The following PHACTR1 variants were observed in gnomAD, a reference collection of about 807,000 sequenced individuals.
PHACTR1 encodes the protein RPEL repeat containing 1.
Under a neutral mutation model 69.2 loss-of-function variants are expected in PHACTR1, and 16 were observed. The observed-to-expected ratio is 0.23, with a 90% confidence interval of 0.16 to 0.35. The LOEUF (loss-of-function observed/expected upper bound fraction) is 0.35, where lower values mean the gene tolerates loss of function less well. PHACTR1 is among the 10% of genes least tolerant of loss of function. The probability of loss-of-function intolerance (pLI) is 1.00; values close to 1 mark genes in which losing one functional copy is unlikely to be tolerated. For missense variants in PHACTR1, 510 were observed against 734.7 expected (o/e 0.69, Z 3.54); for synonymous variants, 312 against 284.5 (o/e 1.10, Z -0.97).
At chr6:13,137,389 A>G (rs769332670) in intron 5 of PHACTR1, among the ~76,000 whole-genome samples, 25 of 152,242 alleles carry the variant, frequency 1.6e-4, no homozygotes, top group Non-Finnish European at 1.0e-4. Context: ...ACCTATTCCA[A>G]TGTCTTAACT....
At chr6:12,829,234 G>C (rs1409024639) in intron 4 of PHACTR1, among the ~76,000 whole-genome samples, 2 of 152,188 alleles carry the variant, frequency 1.3e-5, no homozygotes. Context: ...CAGTGCACAC[G>C]AGTGGGATTT....
At chr6:12,932,595 C>T (rs1251432255) in intron 4 of PHACTR1, among the ~76,000 whole-genome samples, 2 of 152,178 alleles carry the variant, frequency 1.3e-5, no homozygotes, top group African/African-American at 4.8e-5. Context: ...CGCTTTAAAT[C>T]ATTGTCATAT....
chr6:13,132,123 T>C lies in PHACTR1; in HGVS notation c.416-28081T>C, dbSNP rs551655671. ...TCTATTACAGTAGAGGTTTAAGTAC[T>C]AACCCACTCAAAAGAATCTTTCAGA... On this transcript the variant is annotated intron_variant, in intron 5 of 14. Coordinates refer to ENST00000332995, the MANE Select transcript of PHACTR1 (RefSeq NM_030948.6). Among the ~76,000 whole-genome samples the C allele has an allele frequency of 1.3e-4, 20 of 152,350 alleles. No individual in the cohort carries two copies. The East Asian group carries it at 2.5e-3, about 19-fold the overall frequency.
At chr6:12,838,541 T>A (rs1422618774) in intron 4 of PHACTR1, among the ~76,000 whole-genome samples, 2 of 152,166 alleles carry the variant, frequency 1.3e-5, no homozygotes, top group Non-Finnish European at 2.9e-5. Flanking sequence ...AAAGTAGTAG[T>A]TTATAACAAG....
At chr6:13,227,494 G>T (rs781356593) in intron 8 of PHACTR1, among the ~76,000 whole-genome samples, 1 of 151,950 alleles carries the variant, frequency 6.6e-6, no homozygotes, top group African/African-American at 2.4e-5. Flanking sequence ...CATTAAGTAC[G>T]TTCACATCAT....
At chr6:13,065,669 T>C (rs1561778547) in intron 5 of PHACTR1, among the ~76,000 whole-genome samples, 1 of 152,138 alleles carries the variant, frequency 6.6e-6, no homozygotes, top group Non-Finnish European at 1.5e-5. Flanking sequence ...TTAAGATTGG[T>C]TAGATTGTGT....
In PHACTR1 at chr6:13,150,521, C is replaced by A. The variant is rs992037747; in HGVS notation, c.416-9683C>A. Reference sequence around the variant, plus strand: ...AAAGACCCAATATGTGGTACTCATACAAATTGCCTCTAGATTAATATGACT... The same window carrying A: ...AAAGACCCAATATGTGGTACTCATAAAAATTGCCTCTAGATTAATATGACT... On this transcript the variant is annotated intron_variant, in intron 5 of 14. Transcript: ENST00000332995. Among the ~76,000 whole-genome samples, 15 of 152,268 alleles carry A rather than the reference C, an allele frequency of 9.9e-5. 3 individuals carry two copies. The highest frequency in any genetic ancestry group is 1.3e-4 in the Admixed American group (2 of 15,296).
In PHACTR1 at chr6:13,149,792, C is replaced by T. The variant is rs9381764; in HGVS notation, c.416-10412C>T. 1.2e-3 allele frequency among the ~76,000 whole-genome samples: 185 copies of T among 151,608 alleles called. 4 individuals are homozygous for T. The East Asian group carries it at 0.033, about 27-fold the overall frequency. On this transcript the variant is annotated intron_variant, in intron 5 of 14. Coordinates refer to ENST00000332995, the MANE Select transcript of PHACTR1 (RefSeq NM_030948.6). The stretch of plus-strand genomic sequence containing the variant: ...CTTTGAATGCAGTCCAACACAAATT[C>T]GTAAACTTTCTTAAAAAGTTACGAG...
intron 4 of PHACTR1, among the ~76,000 whole-genome samples, chr6:12,985,555 T>C (rs552075608): frequency 6.8e-6 from 1 of 147,068 alleles, no homozygotes; most frequent in South Asian, 2.1e-4. Flanking sequence ...TATATATATA[T>C]ATATATACAC....
chr6:13,010,366 G>A (rs1225839265), intron 4 of PHACTR1, among the ~76,000 whole-genome samples: 1 of 152,142 alleles, frequency 6.6e-6, no homozygotes, highest in Non-Finnish European at 1.5e-5. Context: ...GAGCTCAGGT[G>A]ATCCACCAGC....
At position 13,252,212 on chromosome 6, in the gene PHACTR1, C is replaced by CA. The variant is rs537782699; in HGVS notation, c.1392-20635dup. Among the ~76,000 whole-genome samples, 480 of 73,622 alleles carry CA rather than the reference C, an allele frequency of 6.5e-3. 5 individuals carry two copies. Among genetic ancestry groups the CA allele is most frequent in the South Asian group, 0.027 (70 of 2,574 alleles). The allele number at this position is 73,622 out of a possible 152,430, so 48.3% of individuals were successfully genotyped here. A position where few individuals can be genotyped will look rare whatever the true frequency, so the allele number is the denominator to read the frequency against. On this transcript the variant is annotated intron_variant, in intron 10 of 14. Transcript: ENST00000332995. ...GCAACATGGCAAACCCCTGCCTTTA[C>CA]AAAAAAAAAAAAATAGAAAAAAAAA... is the stretch of plus-strand genomic sequence containing the variant.
intron 4 of PHACTR1, among the ~76,000 whole-genome samples, chr6:12,804,844 G>A (rs1309721243): frequency 6.6e-6 from 1 of 152,102 alleles, no homozygotes; most frequent in Non-Finnish European, 1.5e-5. Flanking sequence ...ACTTTGAATA[G>A]ACCTCAACTG....
chr6:12,990,455 C>A (rs533533375), intron 4 of PHACTR1, among the ~76,000 whole-genome samples: 1 of 152,212 alleles, frequency 6.6e-6, no homozygotes, highest in Non-Finnish European at 1.5e-5. Flanking sequence ...GAATTTCACT[C>A]GCTCGAACTT....
In PHACTR1 at chr6:12,791,843, A is replaced by G. The variant is rs151161404; in HGVS notation, c.250+42053A>G. 4.7e-4 allele frequency among the ~76,000 whole-genome samples: 72 copies of G among 152,324 alleles called. 2 individuals are homozygous for G. In the East Asian group the frequency reaches 0.011, roughly 23 times the overall value. On this transcript the variant is annotated intron_variant, in intron 4 of 14. Coordinates refer to ENST00000332995, the MANE Select transcript of PHACTR1 (RefSeq NM_030948.6). ...GTAGCAATGAATAAGACAGAAAAAA[A>G]TCCCCGCTTGCCTGAGGGTTGCACC...
chr6:13,194,230 CTG>C (rs1764026792), intron 7 of PHACTR1, among the ~76,000 whole-genome samples: 1 of 152,048 alleles, frequency 6.6e-6, no homozygotes, highest in Non-Finnish European at 1.5e-5. Flanking sequence ...TAGTGAAACC[CTG>C]TCTTTACTAA....
At chr6:13,265,084 C>T (rs921441101) in intron 10 of PHACTR1, 9 of 152,128 alleles carry the variant, frequency 5.9e-5, no homozygotes, top group African/African-American at 2.2e-4. Flanking sequence ...GCCTCCTTCA[C>T]TTCTACTTCT....
chr6:12,738,503 A>T (rs1176381667), intron 3 of PHACTR1, among the ~76,000 whole-genome samples: 1 of 152,112 alleles, frequency 6.6e-6, no homozygotes, highest in Non-Finnish European at 1.5e-5. Context: ...ATGGCTGCAA[A>T]CTGATGATTT....
At chr6:12,801,270 A>G (rs1267570622) in intron 4 of PHACTR1, among the ~76,000 whole-genome samples, 1 of 152,216 alleles carries the variant, frequency 6.6e-6, no homozygotes, top group African/African-American at 2.4e-5. Flanking sequence ...TAACTTGTTG[A>G]TAAAGCCTCA....
chr6:13,167,348 G>A (rs1759951971), intron 6 of PHACTR1, among the ~76,000 whole-genome samples: 1 of 152,234 alleles, frequency 6.6e-6, no homozygotes, highest in Non-Finnish European at 1.5e-5. Flanking sequence ...TTCTACCACA[G>A]TGTCACTCAC....
Sources: gnomAD v4.1 joint callset for allele counts (sites outside exome capture counted in the v4.1 genomes callset) on GRCh38, gnomAD v4.1.1 for gene constraint, MANE v1.5 for transcripts, NCBI Gene and HGNC (gene_info 2026-07-23, HGNC 2026-07-21) for gene names.